The following SDK1 variants were observed in gnomAD, a reference collection of about 807,000 sequenced individuals.
SDK1 encodes the protein protein sidekick-1.
SDK1 carries 157 observed loss-of-function variants against 245.5 expected under a neutral mutation model. The observed-to-expected ratio is 0.64, with a 90% CI of 0.56 to 0.73. The LOEUF is 0.73. Ranked by LOEUF, SDK1 falls within the 30% of genes least tolerant of loss-of-function variation. SDK1 has a pLI of 0.00. For synonymous variants in SDK1, 1,647 were observed against 1,278.5 expected, an observed-to-expected ratio of 1.29 and a Z score of -6.15; for missense variants, 3,583 against 3,002.3, an observed-to-expected ratio of 1.19 and a Z score of -4.52.
intron 2 of SDK1, among the ~76,000 whole-genome samples, chr7:3,636,736 A>G (rs1782467030): frequency 6.6e-6 from 1 of 152,182 alleles, no homozygotes; most frequent in African/African-American, 2.4e-5. Flanking sequence ...TTTGGGGGTC[A>G]TGTGGTCATT....
intron 25 of SDK1, 65 bp from the exon 26 acceptor site, chr7:4,127,316 G>C: frequency 8.2e-7 from 1 of 1,223,450 alleles, no homozygotes; most frequent in Non-Finnish European, 1.2e-6. Flanking sequence ...TTGGGTGAAA[G>C]CTGGATCTTT....
intron 1 of SDK1, among the ~76,000 whole-genome samples, chr7:3,348,899 G>A (rs1780580158): frequency 1.3e-5 from 2 of 152,254 alleles, no homozygotes; most frequent in East Asian, 1.9e-4. Context: ...GTCTTAAGAT[G>A]CACATGTGAA....
intron 5 of SDK1, among the ~76,000 whole-genome samples, chr7:3,855,266 T>C (rs139116873): frequency 2.0e-3 from 300 of 151,932 alleles, no homozygotes; most frequent in Admixed American, 3.3e-3. Flanking sequence ...CAAGAATCAC[T>C]AGACAGCTGG....
chr7:4,079,352 TGG>T, intron 21 of SDK1, 109 bp from the exon 22 acceptor site: 10 of 1,297,690 alleles, frequency 7.7e-6, no homozygotes, highest in Admixed American at 5.7e-5. Context: ...AATCCTTTTT[TGG>T]TATAGAATCG....
intron 5 of SDK1, among the ~76,000 whole-genome samples, chr7:3,892,815 C>G (rs1414873185): frequency 2.0e-5 from 3 of 152,184 alleles, no homozygotes; most frequent in African/African-American, 4.8e-5. Flanking sequence ...AGCTGAGTTC[C>G]TCTTACCCGT....
At chr7:3,418,565 C>T (rs1420457524) in intron 1 of SDK1, among the ~76,000 whole-genome samples, 1 of 152,146 alleles carries the variant, frequency 6.6e-6, no homozygotes. Context: ...CTCTACAGGA[C>T]TTGAAACATA....
chr7:3,693,168 A>C (rs1784480673), intron 4 of SDK1, among the ~76,000 whole-genome samples: 1 of 152,112 alleles, frequency 6.6e-6, no homozygotes, highest in Admixed American at 6.6e-5. Context: ...AAAATGTTGT[A>C]TACTCATTTA....
chr7:3,320,801 T>G lies in SDK1; in HGVS notation c.298+18917T>G, dbSNP rs568937224. On this transcript the variant is annotated intron_variant, in intron 1 of 44. Transcript: ENST00000404826. Reference sequence around the variant, plus strand: ...TAGAGTGAGACCAAACTTTATAATATAGTGATAAGCTTGACCAAAAAAATG... The same window carrying G: ...TAGAGTGAGACCAAACTTTATAATAGAGTGATAAGCTTGACCAAAAAAATG... Among the ~76,000 whole-genome samples, 11 of 152,248 alleles carry G rather than the reference T, an allele frequency of 7.2e-5. No individual in the cohort carries two copies. In the South Asian group the frequency reaches 8.3e-4, roughly 12 times the overall value.
At chr7:3,467,248 A>C (rs1781036066) in intron 1 of SDK1, among the ~76,000 whole-genome samples, 1 of 152,168 alleles carries the variant, frequency 6.6e-6, no homozygotes, top group Non-Finnish European at 1.5e-5. Flanking sequence ...AAAAATTAAA[A>C]GCACAGTGAA....
At chr7:4,199,879 T>C (rs377114509) in intron 35 of SDK1, among the ~76,000 whole-genome samples, 2 of 152,160 alleles carry the variant, frequency 1.3e-5, no homozygotes, top group African/African-American at 4.8e-5. Context: ...TGCACAGTTC[T>C]AGAATTCTGT....
intron 4 of SDK1, among the ~76,000 whole-genome samples, chr7:3,713,294 G>C (rs184751812): frequency 1.1e-3 from 172 of 152,334 alleles, no homozygotes; most frequent in African/African-American, 3.4e-3. Flanking sequence ...GCTCTGTGTT[G>C]TGATAAAGTA....
chr7:3,420,729 T>C (rs1779512190), intron 1 of SDK1, among the ~76,000 whole-genome samples: 1 of 152,254 alleles, frequency 6.6e-6, no homozygotes, highest in South Asian at 2.1e-4. Context: ...TGGAAGAATT[T>C]GCGACAGCTC....
In SDK1 at chr7:4,265,471, C is replaced by T; in HGVS notation, c.*87C>T. On this transcript the variant is annotated 3_prime_UTR_variant, in exon 45 of 45. Coordinates refer to ENST00000404826, the MANE Select transcript of SDK1 (RefSeq NM_152744.4). Reference sequence around the variant, plus strand: ...AAGACAATCAACTCCAATAACTGAGCTGAAGTTTTTGTTTAAAAAGAAAAA... The same window carrying T: ...AAGACAATCAACTCCAATAACTGAGTTGAAGTTTTTGTTTAAAAAGAAAAA... 7.3e-7 allele frequency: 1 copy of T among 1,371,602 alleles called. No homozygotes were observed. Among genetic ancestry groups the T allele is most frequent in the Non-Finnish European group, 9.3e-7 (1 of 1,070,438 alleles). The allele number at this position is 1,371,602 out of a possible 1,614,324, so 85.0% of individuals were successfully genotyped here.
rs1035857166 is a variant in SDK1 at position 4,266,410 on chromosome 7, C to G, written c.*1026C>G. ...AAAGCAAAACAGCTCTGAGAACACA[C>G]GCTCCCGACTCGCCTCGTGCACACC... On this transcript the variant is annotated 3_prime_UTR_variant, in exon 45 of 45. Coordinates refer to ENST00000404826, the MANE Select transcript of SDK1 (RefSeq NM_152744.4). 1 of 985,290 alleles carries G rather than the reference C, an allele frequency of 1.0e-6. No individual in the cohort carries two copies. The allele number at this position is 985,290 out of a possible 1,614,324, so 61.0% of individuals were successfully genotyped here.
intron 34 of SDK1, 93 bp downstream of exon 34, chr7:4,175,927 G>A (rs1039383172): frequency 6.6e-6 from 7 of 1,059,018 alleles, no homozygotes; most frequent in African/African-American, 6.2e-5. Flanking sequence ...AAACCAGCCT[G>A]GATTAATGGC....
chr7:3,824,264 T>C lies in SDK1; in HGVS notation c.847+2681T>C, dbSNP rs532565204. Reference sequence around the variant, plus strand: ...ACTTAGATATCTTTTTCTTCTGATGTAGGCTTTTGTGGAAACACCACACAA... The same window carrying C: ...ACTTAGATATCTTTTTCTTCTGATGCAGGCTTTTGTGGAAACACCACACAA... On this transcript the variant is annotated intron_variant, in intron 5 of 44. Transcript: ENST00000404826. Among the ~76,000 whole-genome samples, 452 of 152,338 alleles carry C rather than the reference T, an allele frequency of 3.0e-3. 4 individuals carry two copies. The highest frequency in any genetic ancestry group is 0.011 in the African/African-American group (442 of 41,582).
chr7:3,430,538 C>G (rs535468045), intron 1 of SDK1, among the ~76,000 whole-genome samples: 3 of 152,154 alleles, frequency 2.0e-5, no homozygotes, highest in African/African-American at 7.2e-5. Context: ...AGCTTCATTC[C>G]TCTCTTTCTG....
At chr7:3,373,575 C>A (rs1054567542) in intron 1 of SDK1, among the ~76,000 whole-genome samples, 5 of 151,900 alleles carry the variant, frequency 3.3e-5, no homozygotes, top group Middle Eastern at 6.9e-3. Flanking sequence ...ACAGTGAAAC[C>A]CTAGAAACAT....
chr7:3,369,457 A>G (rs1052559980), intron 1 of SDK1, among the ~76,000 whole-genome samples: 2 of 152,200 alleles, frequency 1.3e-5, no homozygotes, highest in African/African-American at 2.4e-5. Context: ...CTGCAAAACA[A>G]AATACTTAGT....
Sources: allele counts gnomAD v4.1 joint callset (sites outside exome capture counted in the v4.1 genomes callset), GRCh38; gene constraint gnomAD v4.1.1; transcripts MANE v1.5; gene names NCBI Gene and HGNC (gene_info 2026-07-23, HGNC 2026-07-21).